TMEM132D: variants seen among roughly 807,000 people sequenced by gnomAD.
TMEM132D encodes the protein transmembrane protein 132D, also known as mature OL transmembrane protein.
TMEM132D carries 21 observed loss-of-function variants against 62.3 expected under a neutral mutation model. That is an observed-to-expected ratio of 0.34 (90% CI 0.24 to 0.49). TMEM132D has a LOEUF of 0.49. Among genes scored for constraint, TMEM132D ranks in the 20% least tolerant of loss-of-function variants. The pLI is 0.99. For synonymous variants in TMEM132D, 621 were observed against 575.6 expected (o/e 1.08, Z -1.13); for missense variants, 1,346 against 1,402.8 (o/e 0.96, Z 0.65).
intron 1 of TMEM132D, among the ~76,000 whole-genome samples, chr12:129,763,790 A>C (rs1870461213): frequency 6.6e-6 from 1 of 152,088 alleles, no homozygotes; most frequent in African/African-American, 2.4e-5. Flanking sequence ...GCCCAGATGA[A>C]GCAAGTGTGC....
At chr12:129,774,141 A>G (rs1870843873) in intron 1 of TMEM132D, among the ~76,000 whole-genome samples, 1 of 152,154 alleles carries the variant, frequency 6.6e-6, no homozygotes, top group Non-Finnish European at 1.5e-5. Flanking sequence ...GCAGGACAGG[A>G]AGAGGAGTGT....
intron 5 of TMEM132D, among the ~76,000 whole-genome samples, chr12:129,119,167 G>A (rs1331325928): frequency 6.6e-6 from 1 of 152,220 alleles, no homozygotes; most frequent in African/African-American, 2.4e-5. Context: ...TCAAAACTTG[G>A]AAATGGTTTT....
chr12:129,392,933 T>A (rs981075158), intron 3 of TMEM132D, among the ~76,000 whole-genome samples: 1 of 152,250 alleles, frequency 6.6e-6, no homozygotes, highest in Non-Finnish European at 1.5e-5. Flanking sequence ...ATGTCAATTA[T>A]GATAAACTTG....
At position 129,196,373 on chromosome 12, in the gene TMEM132D, T is replaced by C. The variant is rs555884955; in HGVS notation, c.1443+13147A>G. 1.2e-4 allele frequency among the ~76,000 whole-genome samples: 18 copies of C among 152,300 alleles called. No individual in the cohort carries two copies. In the South Asian group the frequency reaches 3.7e-3, roughly 32 times the overall value. ...ATTGCTTTCACTCATTTAAATTATC[T>C]CCTGCCTCTTGTATTCTTCTGGGCT... On this transcript the variant is annotated intron_variant, in intron 5 of 8. Transcript: ENST00000422113.
intron 2 of TMEM132D, among the ~76,000 whole-genome samples, chr12:129,652,765 T>G (rs1313544703): frequency 6.6e-6 from 1 of 152,234 alleles, no homozygotes; most frequent in Non-Finnish European, 1.5e-5. Flanking sequence ...GACAACACGT[T>G]TGTGCTGCTT....
At chr12:129,690,186 T>G (rs900413861) in intron 2 of TMEM132D, among the ~76,000 whole-genome samples, 4 of 152,076 alleles carry the variant, frequency 2.6e-5, no homozygotes, top group Non-Finnish European at 5.9e-5. Flanking sequence ...TATTAAAAAT[T>G]TTAGAGAAAC....
intron 5 of TMEM132D, among the ~76,000 whole-genome samples, chr12:129,134,162 GTGTC>G (rs1876480840): frequency 2.0e-5 from 3 of 150,694 alleles, no homozygotes; most frequent in African/African-American, 4.9e-5. Flanking sequence ...GTCTGTGTGT[GTGTC>G]TGTGTGTGTG....
At chr12:129,641,496 G>C (rs1463919842) in intron 2 of TMEM132D, among the ~76,000 whole-genome samples, 3 of 152,192 alleles carry the variant, frequency 2.0e-5, no homozygotes, top group Non-Finnish European at 4.4e-5. Flanking sequence ...ATCCAGCAGA[G>C]ATCACAAGGT....
intron 1 of TMEM132D, among the ~76,000 whole-genome samples, chr12:129,901,789 C>T (rs1350336870): frequency 1.3e-5 from 2 of 152,004 alleles, no homozygotes; most frequent in African/African-American, 4.8e-5. Context: ...CTGTACCTTT[C>T]TTAATACAAC....
intron 5 of TMEM132D, among the ~76,000 whole-genome samples, chr12:129,171,703 G>A (rs1877735712): frequency 6.6e-6 from 1 of 152,214 alleles, no homozygotes; most frequent in South Asian, 2.1e-4. Context: ...GCGATGAGGT[G>A]CATTGTCATT....
intron 5 of TMEM132D, among the ~76,000 whole-genome samples, chr12:129,178,439 T>G (rs199703062): frequency 0.05 from 7,544 of 151,848 alleles, 265 homozygotes; most frequent in African/African-American, 0.094. Flanking sequence ...ATCTGTTTTT[T>G]TTTTTTTTTT....
chr12:129,168,241 C>T (rs1877620235), intron 5 of TMEM132D, among the ~76,000 whole-genome samples: 1 of 120,598 alleles, frequency 8.3e-6, no homozygotes, highest in Non-Finnish European at 1.6e-5. Context: ...AATCCATCTC[C>T]TCTTTTGGGA....
intron 2 of TMEM132D, among the ~76,000 whole-genome samples, chr12:129,578,795 A>C (rs1008495140): frequency 1.3e-5 from 2 of 152,154 alleles, no homozygotes; most frequent in Non-Finnish European, 2.9e-5. Flanking sequence ...GTCAGAGTTA[A>C]TTCAACCTTC....
chr12:129,695,775 G>C lies in TMEM132D; in HGVS notation c.968+4035C>G, dbSNP rs183482792. 7.0e-4 allele frequency among the ~76,000 whole-genome samples: 106 copies of C among 152,340 alleles called. 2 individuals carry two copies. Among genetic ancestry groups the C allele is most frequent in the Non-Finnish European group, 2.5e-4 (17 of 68,030 alleles). On this transcript the variant is annotated intron_variant, in intron 2 of 8. Transcript: ENST00000422113. ...TCTCTGCAGCTTATGTGCGGATAAC[G>C]AGAGGAACTATTGAAGGAATTCACT... is the stretch of plus-strand genomic sequence containing the variant.
Position 129,228,728 on chromosome 12 carries a change from G to C in TMEM132D, c.1300-19065C>G, listed in dbSNP as rs76996013. On this transcript the variant is annotated intron_variant, in intron 4 of 8. Transcript: ENST00000422113. ...TTCACAGCTGAATAATACTCCTCAAGGCACACAGGTTTAATGCTTTCCATT... is the reference window on the plus strand; with the variant it reads ...TTCACAGCTGAATAATACTCCTCAACGCACACAGGTTTAATGCTTTCCATT... Among the ~76,000 whole-genome samples the C allele has an allele frequency of 8.5e-5, 13 of 152,232 alleles. No individual in the cohort carries two copies. In the East Asian group the frequency reaches 2.3e-3, roughly 27 times the overall value.
chr12:129,082,054 T>TTGCA (rs1470852844), intron 6 of TMEM132D, 22 bp from the exon 7 acceptor site: 1 of 1,579,360 alleles, frequency 6.3e-7, no homozygotes, highest in African/African-American at 1.3e-5. Context: ...GCAGTGCAGT[T>TTGCA]TGCAGACAGT....
Position 129,867,917 on chromosome 12 carries a change from T to C in TMEM132D, c.79+35344A>G, listed in dbSNP as rs188702377. Among the ~76,000 whole-genome samples the C allele has an allele frequency of 1.1e-4, 16 of 152,340 alleles. No homozygotes were observed. The East Asian group carries it at 3.1e-3, about 29-fold the overall frequency. On this transcript the variant is annotated intron_variant, in intron 1 of 8. Transcript: ENST00000422113. This position sits in a 1 kb window ranked among gnomAD's most constrained non-coding sequence, Gnocchi z 4.5. ...GCAATGGAAATGTCTGTGTCTCTAC[T>C]AAGACAGCGTTTCTATGGTACACAC...
intron 3 of TMEM132D, among the ~76,000 whole-genome samples, chr12:129,469,328 G>A (rs1273063593): frequency 6.6e-6 from 1 of 152,172 alleles, no homozygotes; most frequent in Non-Finnish European, 1.5e-5. Flanking sequence ...TGCCAACTCT[G>A]TGATAACCTT....
At chr12:129,839,736 T>C (rs1199421225) in intron 1 of TMEM132D, among the ~76,000 whole-genome samples, 1 of 152,064 alleles carries the variant, frequency 6.6e-6, no homozygotes, top group Non-Finnish European at 1.5e-5. Context: ...CCATAGCAGG[T>C]CACTTGGAAG....
Sources: allele counts gnomAD v4.1 joint callset (sites outside exome capture counted in the v4.1 genomes callset), GRCh38; gene constraint gnomAD v4.1.1; non-coding constraint Gnocchi (gnomAD v3.1); transcripts MANE v1.5; gene names NCBI Gene and HGNC (gene_info 2026-07-23, HGNC 2026-07-21).